Variants in CDH13 observed in about 807,000 individuals in gnomAD.
CDH13 encodes cadherin 13.
Under a neutral mutation model 63.8 loss-of-function variants are expected in CDH13, and 24 were observed. The ratio of observed to expected loss-of-function variants is 0.38; its 90% confidence interval spans 0.27 to 0.53. The LOEUF (loss-of-function observed/expected upper bound fraction) is 0.53, where lower values mean the gene tolerates loss of function less well. CDH13 is among the 20% of genes least tolerant of loss of function. The pLI is 0.85. For missense variants in CDH13, 1,049 were observed against 903.1 expected (o/e 1.16, Z -2.07); for synonymous variants, 503 against 355.3 (o/e 1.42, Z -4.67).
intron 2 of CDH13, among the ~76,000 whole-genome samples, chr16:82,879,123 G>A (rs1354340277): frequency 1.3e-5 from 2 of 152,110 alleles, no homozygotes; most frequent in African/African-American, 4.8e-5. Flanking sequence ...TGCAGGCTGG[G>A]CCCATGGTTG....
intron 8 of CDH13, among the ~76,000 whole-genome samples, chr16:83,613,724 C>T (rs921954387): frequency 6.6e-6 from 1 of 152,048 alleles, no homozygotes; most frequent in African/African-American, 2.4e-5. Context: ...TCTCAGCTGC[C>T]TTGGAGGCTG....
intron 6 of CDH13, among the ~76,000 whole-genome samples, chr16:83,415,865 A>T (rs921018724): frequency 6.6e-6 from 1 of 152,206 alleles, no homozygotes; most frequent in Non-Finnish European, 1.5e-5. Flanking sequence ...ACTCACTGTC[A>T]CCAGTTCTAT....
intron 3 of CDH13, among the ~76,000 whole-genome samples, chr16:83,096,822 A>G (rs2034223078): frequency 6.6e-6 from 1 of 152,202 alleles, no homozygotes; most frequent in Non-Finnish European, 1.5e-5. Flanking sequence ...GCACTTAAAA[A>G]TGATGATTTT....
chr16:83,451,904 G>C (rs994137203), intron 6 of CDH13, among the ~76,000 whole-genome samples: 4 of 152,120 alleles, frequency 2.6e-5, no homozygotes, highest in African/African-American at 7.2e-5. Flanking sequence ...ATTTAAAATG[G>C]AGCCTTCAGT....
At chr16:82,888,049 C>T (rs931392039) in intron 2 of CDH13, among the ~76,000 whole-genome samples, 25 of 152,140 alleles carry the variant, frequency 1.6e-4, no homozygotes, top group African/African-American at 5.8e-4. Flanking sequence ...TATTTACTTG[C>T]TCATCTTGGT....
chr16:83,114,831 T>C (rs900875630), intron 3 of CDH13, among the ~76,000 whole-genome samples: 11 of 152,194 alleles, frequency 7.2e-5, no homozygotes, highest in African/African-American at 2.7e-4. Flanking sequence ...GGCTGAACCA[T>C]GTGTTTGATT....
At position 82,644,414 on chromosome 16, in the gene CDH13, T is replaced by C. The variant is rs1909826027; in HGVS notation, c.45+17277T>C. Among the ~76,000 whole-genome samples the C allele has an allele frequency of 6.6e-6, 1 of 152,172 alleles. No individual in the cohort carries two copies. Among genetic ancestry groups the C allele is most frequent in the Non-Finnish European group, 1.5e-5 (1 of 68,036 alleles). ...TCTCAGGTCCCTTAACCATGGAACG[T>C]ACTCCTGTCTGCCCTCACTCGTGGG... On this transcript the variant is annotated intron_variant, in intron 1 of 13. Coordinates refer to ENST00000567109, the MANE Select transcript of CDH13 (RefSeq NM_001257.5). The surrounding 1 kb of genome is among the most constrained non-coding windows in gnomAD (Gnocchi z 5.7).
intron 8 of CDH13, among the ~76,000 whole-genome samples, chr16:83,634,330 C>T (rs184233813): frequency 1.8e-4 from 27 of 152,210 alleles, no homozygotes; most frequent in African/African-American, 6.0e-4. Context: ...AACCTGTTCT[C>T]CACCTGTAGT....
intron 7 of CDH13, among the ~76,000 whole-genome samples, chr16:83,601,487 C>T (rs1008740125): frequency 6.6e-6 from 1 of 152,254 alleles, no homozygotes; most frequent in East Asian, 1.9e-4. Flanking sequence ...GGATTAAATG[C>T]GTCTTCCACA....
intron 6 of CDH13, among the ~76,000 whole-genome samples, chr16:83,367,845 G>A (rs1465370530): frequency 6.6e-6 from 1 of 152,168 alleles, no homozygotes; most frequent in Non-Finnish European, 1.5e-5. Flanking sequence ...GAAAGGCACT[G>A]TTTTGAATCA....
At chr16:83,726,161 A>G (rs1231197434) in intron 10 of CDH13, 1 of 152,242 alleles carries the variant, frequency 6.6e-6, no homozygotes, top group Non-Finnish European at 1.5e-5. Flanking sequence ...TTGCTCAGCC[A>G]TTGAATAACA....
intron 5 of CDH13, among the ~76,000 whole-genome samples, chr16:83,323,052 C>T (rs560553726): frequency 2.0e-5 from 3 of 152,062 alleles, no homozygotes; most frequent in South Asian, 2.1e-4. Context: ...CTCTTGCTAT[C>T]GTGCAAATGA....
At chr16:83,411,696 T>A (rs2092128506) in intron 6 of CDH13, among the ~76,000 whole-genome samples, 1 of 152,188 alleles carries the variant, frequency 6.6e-6, no homozygotes, top group African/African-American at 2.4e-5. Flanking sequence ...CTCTGATATG[T>A]CCCTAGTACA....
At chr16:82,815,484 A>G (rs1466028414) in intron 1 of CDH13, among the ~76,000 whole-genome samples, 1 of 152,188 alleles carries the variant, frequency 6.6e-6, no homozygotes, top group Non-Finnish European at 1.5e-5. Context: ...GCTCAGAACA[A>G]TGCGTGGAAC....
intron 3 of CDH13, among the ~76,000 whole-genome samples, chr16:83,049,987 T>A (rs1405799374): frequency 6.6e-6 from 1 of 152,196 alleles, no homozygotes; most frequent in Non-Finnish European, 1.5e-5. Flanking sequence ...TTGTTAGTAA[T>A]AATAATGCTA....
chr16:82,631,537 C>G (rs1328901119), intron 1 of CDH13, among the ~76,000 whole-genome samples: 1 of 152,210 alleles, frequency 6.6e-6, no homozygotes, highest in Non-Finnish European at 1.5e-5. Context: ...AGCCAGGTAC[C>G]CATGCACCTG....
At chr16:83,567,640 G>A (rs1904295116) in intron 7 of CDH13, among the ~76,000 whole-genome samples, 1 of 152,142 alleles carries the variant, frequency 6.6e-6, no homozygotes, top group Admixed American at 6.5e-5. Flanking sequence ...CTGTTGCCCA[G>A]GCTGGAGTGC....
chr16:82,759,830 T>C (rs1399419624), intron 1 of CDH13, among the ~76,000 whole-genome samples: 1 of 152,090 alleles, frequency 6.6e-6, no homozygotes, highest in Non-Finnish European at 1.5e-5. Flanking sequence ...TCCCCTATCC[T>C]GACGCACTGC....
chr16:83,380,075 A>G (rs952217625), intron 6 of CDH13, among the ~76,000 whole-genome samples: 4 of 151,996 alleles, frequency 2.6e-5, no homozygotes, highest in African/African-American at 9.7e-5. Flanking sequence ...TCAGAAACAA[A>G]TATATGCCTA....
Sources: gnomAD v4.1 joint callset for allele counts (sites outside exome capture counted in the v4.1 genomes callset) on GRCh38, gnomAD v4.1.1 for gene constraint, Gnocchi (gnomAD v3.1) non-coding constraint, MANE v1.5 for transcripts, NCBI Gene and HGNC (gene_info 2026-07-23, HGNC 2026-07-21) for gene names.